The following ZYX variants were observed in gnomAD, a reference collection of about 807,000 sequenced individuals.
ZYX encodes zyxin.
Under a neutral mutation model 58.1 loss-of-function variants are expected in ZYX, and 37 were observed. The observed-to-expected ratio is 0.64, with a 90% CI of 0.49 to 0.84. The LOEUF (loss-of-function observed/expected upper bound fraction) is 0.84. Among genes scored for constraint, ZYX ranks in the 40% least tolerant of loss-of-function variants. The pLI is 0.00. For synonymous variants in ZYX, 324 were observed against 321.1 expected (o/e 1.01, Z -0.10); for missense variants, 762 against 761.6 (o/e 1.00, Z -0.01).
In ZYX at chr7:143,391,069, T is replaced by C; in HGVS notation, c.*387T>C. On this transcript the variant is annotated 3_prime_UTR_variant, in exon 10 of 10. Coordinates refer to ENST00000322764, the MANE Select transcript of ZYX (RefSeq NM_003461.5). ...CCCACCCTCCCCCATGCTGCCAAGT[T>C]GTAGCTATAGCTACAAATAAAAAAA... The C allele has an allele frequency of 3.2e-6, 1 of 314,418 alleles. No individual in the cohort carries two copies. Among genetic ancestry groups the C allele is most frequent in the Non-Finnish European group, 6.0e-6 (1 of 167,574 alleles). 19.5% of individuals were successfully genotyped at this position (314,418 alleles called of 1,614,324 possible).
At chr7:143,382,522 C>T in intron 3 of ZYX, 71 bp from the exon 4 acceptor site, 1 of 1,597,614 alleles carries the variant, frequency 6.3e-7, no homozygotes. Context: ...CTTCTTACCT[C>T]CCCTGCACCT....
chr7:143,381,511 C>CT (rs1478394335), intron 1 of ZYX, 46 bp from the exon 2 acceptor site: 3 of 1,547,136 alleles, frequency 1.9e-6, no homozygotes. Flanking sequence ...CCGCCTGGGG[C>CT]TCCTGAGCCC....
Position 143,381,689 on chromosome 7 carries a change from C to G in ZYX, c.118C>G (p.Arg40Gly), listed in dbSNP as rs750053030. 6.2e-7 allele frequency: 1 copy of G among 1,608,466 alleles called. No individual in the cohort carries two copies. Among genetic ancestry groups the G allele is most frequent in the Non-Finnish European group, 8.5e-7 (1 of 1,177,884 alleles). The change falls in exon 2 of 10, where the codon CGG becomes GGG. Residue 40 changes from arginine to glycine, a missense_variant. Transcript: ENST00000322764. ...CCCAAAGCCCAAAGTGAATCCCTTC[C>G]GGCCCGGGGACAGCGAGCCTCCCCC... ...VAPKPKVNPFRPGDSEPPPAP... is the reference protein window; with the variant it reads ...VAPKPKVNPFGPGDSEPPPAP...
At position 143,387,686 on chromosome 7, in the gene ZYX, T is replaced by G. The variant is rs1586569613; in HGVS notation, c.1024-533T>G. ...GAGGGACAGGGTCTCTGTGTGGGGG[T>G]GGGGCTGGGTTCTTGCAGACAGCTC... is the stretch of plus-strand genomic sequence containing the variant. On this transcript the variant is annotated intron_variant, in intron 5 of 9. Transcript: ENST00000322764. This position sits in a 1 kb window ranked among gnomAD's most constrained non-coding sequence, Gnocchi z 5.8. 2 of 470,734 alleles carry G rather than the reference T, an allele frequency of 4.2e-6. No homozygotes were observed. Among genetic ancestry groups the G allele is most frequent in the South Asian group, 3.1e-5 (2 of 64,558 alleles). 29.2% of individuals were successfully genotyped at this position (470,734 alleles called of 1,614,324 possible).
At position 143,389,274 on chromosome 7, in the gene ZYX, G is replaced by A. The variant is rs895982764; in HGVS notation, c.1493+329G>A. Among the ~76,000 whole-genome samples the A allele has an allele frequency of 2.0e-5, 3 of 152,220 alleles. No homozygotes were observed. The highest frequency in any genetic ancestry group is 2.4e-5 in the African/African-American group (1 of 41,450). ...CTAAAAGTTCTTTTGGAGATCAGCTGTTTGGATTTCTGGTTTCTCCCCAGA... is the reference window on the plus strand; with the variant it reads ...CTAAAAGTTCTTTTGGAGATCAGCTATTTGGATTTCTGGTTTCTCCCCAGA... On this transcript the variant is annotated intron_variant, in intron 8 of 9. Transcript: ENST00000322764. The surrounding 1 kb of genome is among the most constrained non-coding windows in gnomAD (Gnocchi z 5.6).
At position 143,388,576 on chromosome 7, in the gene ZYX, C is replaced by T. The variant is rs768872930; in HGVS notation, c.1232C>T (p.Thr411Ile). 34 of 1,612,424 alleles carry T rather than the reference C, an allele frequency of 2.1e-5. 1 individual carries two copies. In the South Asian group the frequency reaches 3.6e-4, roughly 17 times the overall value. The change falls in exon 7 of 10, where the codon ACC becomes ATC. Residue 411 changes from threonine to isoleucine, a missense_variant. Transcript: ENST00000322764. This position sits in a 1 kb window ranked among gnomAD's most constrained non-coding sequence, Gnocchi z 7.5. The part of the protein sequence containing the change: ...LGQLFHIACF[T>I]CHQCAQQLQG... ...CAGCTGTTCCACATCGCCTGCTTCA[C>T]CTGCCACCAGTGTGCGCAGCAGCTC...
chr7:143,385,695 A>C (rs1586567311), intron 5 of ZYX, among the ~76,000 whole-genome samples: 1 of 74,642 alleles, frequency 1.3e-5, no homozygotes, highest in East Asian at 4.9e-4. Flanking sequence ...TTGGAGACGG[A>C]GTGCAGGCTG....
chr7:143,388,523 G>A lies in ZYX; in HGVS notation c.1179G>A (p.Arg393=). 1 of 1,610,450 alleles carries A rather than the reference G, an allele frequency of 6.2e-7. No individual in the cohort carries two copies. Among genetic ancestry groups the A allele is most frequent in the Non-Finnish European group, 8.5e-7 (1 of 1,179,892 alleles). The change falls in exon 7 of 10, where the codon CGG becomes CGA. Residue 393 remains arginine (R), a synonymous_variant. Transcript: ENST00000322764. The surrounding 1 kb of genome is among the most constrained non-coding windows in gnomAD (Gnocchi z 7.5). ...LCGRCHQPLA[R]AQPAVRALGQ... Reference sequence around the variant, plus strand: ...GCCGATGCCATCAACCCCTGGCCCGGGCGCAGCCAGCCGTCCGCGCTCTAG... The same window carrying A: ...GCCGATGCCATCAACCCCTGGCCCGAGCGCAGCCAGCCGTCCGCGCTCTAG...
rs1804599887 is a variant in ZYX, at chr7:143,381,771, C to T, written c.200C>T (p.Pro67Leu). 26 of 1,574,698 alleles carry T rather than the reference C, an allele frequency of 1.7e-5. No homozygotes were observed. Among genetic ancestry groups the T allele is most frequent in the Non-Finnish European group, 2.2e-5 (25 of 1,160,600 alleles). Residue 67 changes from proline to leucine, a missense_variant, in exon 2 of 10, where the codon CCC becomes CTC. Physicochemically the swap from Pro to Leu is moderately conservative, Grantham distance 98. Transcript: ENST00000322764. ...MGRVGEIPPP[P>L]PEDFPLPPPP... is the part of the protein sequence containing the mutation. The stretch of plus-strand genomic sequence containing the variant: ...CGGGTGGGCGAGATTCCCCCGCCGC[C>T]CCCGGAAGGTATGCGGCGGGGCTTG...
chr7:143,381,822 G>C, intron 2 of ZYX, 43 bp downstream of exon 2: 2 of 1,479,968 alleles, frequency 1.4e-6, no homozygotes. Flanking sequence ...CAGGAGCCGG[G>C]GTGGGGGGCA....
chr7:143,385,825 AG>A (rs757868842), intron 5 of ZYX, among the ~76,000 whole-genome samples: 5 of 151,518 alleles, frequency 3.3e-5, no homozygotes, highest in African/African-American at 4.9e-5. Flanking sequence ...TGTATTTTTT[AG>A]TAGAGATGGG....
Position 143,389,160 on chromosome 7 carries a change from C to T in ZYX, c.1493+215C>T, listed in dbSNP as rs531912843. Among the ~76,000 whole-genome samples the T allele has an allele frequency of 3.3e-5, 5 of 152,368 alleles. No individual in the cohort carries two copies. The highest frequency in any genetic ancestry group is 4.8e-5 in the African/African-American group (2 of 41,588). ...TCCTGCTGCTGTCTGGTCCCTCCCT[C>T]GCCCTTGATCACTGAAGCTTATTGT... On this transcript the variant is annotated intron_variant, in intron 8 of 9. Coordinates refer to ENST00000322764, the MANE Select transcript of ZYX (RefSeq NM_003461.5). The surrounding 1 kb of genome is among the most constrained non-coding windows in gnomAD (Gnocchi z 5.6).
chr7:143,382,568 G>T (rs747702672), intron 3 of ZYX, 25 bp from the exon 4 acceptor site: 1 of 1,612,520 alleles, frequency 6.2e-7, no homozygotes, highest in Non-Finnish European at 8.5e-7. Flanking sequence ...GCATGGAATA[G>T]GTGCTCTGAC....
intron 2 of ZYX, 103 bp from the exon 3 acceptor site, chr7:143,382,145 C>T (rs530748462): frequency 6.3e-5 from 63 of 994,300 alleles, no homozygotes; most frequent in Admixed American, 3.5e-4. Flanking sequence ...GCTCTGGGAC[C>T]CCTGAGAGAG....
intron 5 of ZYX, among the ~76,000 whole-genome samples, chr7:143,386,003 A>AGT (rs956886106): frequency 1.4e-5 from 2 of 145,210 alleles, no homozygotes; most frequent in South Asian, 2.3e-4. Context: ...TATATGTGTG[A>AGT]GTGTGTGTGT....
chr7:143,390,171 CTGAGGTCACTT>C lies in ZYX; in HGVS notation c.1614+199_1614+209del. 1 of 723,866 alleles carries C rather than the reference CTGAGGTCACTT, an allele frequency of 1.4e-6. No homozygotes were observed. Among genetic ancestry groups the C allele is most frequent in the Non-Finnish European group, 2.2e-6 (1 of 453,436 alleles). 44.8% of individuals were successfully genotyped at this position (723,866 alleles called of 1,614,324 possible). On this transcript the variant is annotated intron_variant, in intron 9 of 9. Transcript: ENST00000322764. This position sits in a 1 kb window ranked among gnomAD's most constrained non-coding sequence, Gnocchi z 4.3. ...TGCAGGAAATGGGGCTGTGGGGCTT[CTGAGGTCACTT>C]TGAGTCATGGATAAGCCAAGAAATG...
chr7:143,383,290 C>G lies in ZYX; in HGVS notation c.991C>G (p.Pro331Ala). The G allele has an allele frequency of 6.2e-7, 1 of 1,611,154 alleles. No homozygotes were observed. Among genetic ancestry groups the G allele is most frequent in the South Asian group, 1.1e-5 (1 of 90,888 alleles). The part of the protein sequence containing the change: ...EKPRVQEKQH[P>A]VPPPAQNQNQ... ...GCCCCGAGTGCAGGAGAAGCAGCAC[C>G]CCGTGCCCCCACCGGCTCAGAACCA... The change falls in exon 5 of 10, where the codon CCC becomes GCC. Residue 331 changes from proline (P) to alanine (A), a missense_variant. Coordinates refer to ENST00000322764, the MANE Select transcript of ZYX (RefSeq NM_003461.5).
chr7:143,384,903 T>G lies in ZYX; in HGVS notation c.1023+1581T>G, dbSNP rs1348966924. Among the ~76,000 whole-genome samples, 1 of 152,104 alleles carries G rather than the reference T, an allele frequency of 6.6e-6. No individual in the cohort carries two copies. The highest frequency in any genetic ancestry group is 1.5e-5 in the Non-Finnish European group (1 of 68,030). ...AACAGGTCCCAGGAGGACTTTCAGC[T>G]GGGGCCGTCATTCAGCTAGAAATCC... is the stretch of plus-strand genomic sequence containing the variant. On this transcript the variant is annotated intron_variant, in intron 5 of 9. Coordinates refer to ENST00000322764, the MANE Select transcript of ZYX (RefSeq NM_003461.5). This position sits in a 1 kb window ranked among gnomAD's most constrained non-coding sequence, Gnocchi z 4.9.
In ZYX at chr7:143,388,454, C is replaced by T. The variant is rs756577754; in HGVS notation, c.1145-35C>T. Reference sequence around the variant, plus strand: ...GATCCCTCGCAGCTCTACATACTTCCTTCTATTTACTGCTGTCTTCTCTGG... The same window carrying T: ...GATCCCTCGCAGCTCTACATACTTCTTTCTATTTACTGCTGTCTTCTCTGG... On this transcript the variant is annotated intron_variant, in intron 6 of 9. Coordinates refer to ENST00000322764, the MANE Select transcript of ZYX (RefSeq NM_003461.5). This position sits in a 1 kb window ranked among gnomAD's most constrained non-coding sequence, Gnocchi z 7.5. The T allele has an allele frequency of 1.2e-6, 2 of 1,606,880 alleles. No individual in the cohort carries two copies. Among genetic ancestry groups the T allele is most frequent in the Middle Eastern group, 1.7e-4 (1 of 6,034 alleles).
Sources: gnomAD v4.1 joint callset for allele counts (sites outside exome capture counted in the v4.1 genomes callset) on GRCh38, gnomAD v4.1.1 for gene constraint, Gnocchi (gnomAD v3.1) non-coding constraint, MANE v1.5 for transcripts, NCBI Gene and HGNC (gene_info 2026-07-23, HGNC 2026-07-21) for gene names.